The following MARCHF1 variants were observed in gnomAD, a reference collection of about 807,000 sequenced individuals.
MARCHF1 encodes membrane associated ring-CH-type finger 1.
MARCHF1 carries 40 observed loss-of-function variants against 54.2 expected under a neutral mutation model. The observed-to-expected ratio is 0.74, with a 90% CI of 0.57 to 0.96. The LOEUF is 0.96. Among genes scored for constraint, MARCHF1 ranks in the 40% least tolerant of loss-of-function variants. The pLI is 0.00. For missense variants in MARCHF1, 586 were observed against 656.5 expected (o/e 0.89, Z 1.17); for synonymous variants, 236 against 236.3 (o/e 1.00, Z 0.01).
chr4:163,782,654 G>C (rs1488421957), intron 4 of MARCHF1, among the ~76,000 whole-genome samples: 1 of 131,128 alleles, frequency 7.6e-6, no homozygotes, highest in East Asian at 2.3e-4. Flanking sequence ...CAGTGACAGA[G>C]TGAGACTCCA....
At chr4:163,619,170 G>T (rs1291944367) in intron 5 of MARCHF1, among the ~76,000 whole-genome samples, 2 of 152,184 alleles carry the variant, frequency 1.3e-5, no homozygotes, top group East Asian at 3.9e-4. Flanking sequence ...GTGTTGGATT[G>T]CATCCTGAAA....
chr4:163,533,268 C>T (rs1357250881), intron 9 of MARCHF1, among the ~76,000 whole-genome samples: 2 of 151,842 alleles, frequency 1.3e-5, no homozygotes, highest in Non-Finnish European at 2.9e-5. Context: ...CTACATACTG[C>T]GTGATTCCAA....
At chr4:164,299,865 A>G (rs925171899) in intron 1 of MARCHF1, among the ~76,000 whole-genome samples, 1 of 152,144 alleles carries the variant, frequency 6.6e-6, no homozygotes, top group African/African-American at 2.4e-5. Flanking sequence ...ATGATTATGG[A>G]TTCTTTTCTA....
intron 2 of MARCHF1, among the ~76,000 whole-genome samples, chr4:164,085,288 T>G (rs1197562950): frequency 6.6e-6 from 1 of 151,802 alleles, no homozygotes; most frequent in Non-Finnish European, 1.5e-5. Flanking sequence ...TTAAAATCCC[T>G]AGATAAACCA....
chr4:164,208,520 A>T (rs147674791), intron 1 of MARCHF1, among the ~76,000 whole-genome samples: 1 of 152,330 alleles, frequency 6.6e-6, no homozygotes, highest in Admixed American at 6.5e-5. Context: ...CCCAAAAAGA[A>T]GTAGTAATCT....
intron 3 of MARCHF1, among the ~76,000 whole-genome samples, chr4:163,890,690 T>C (rs1014599959): frequency 3.9e-5 from 6 of 152,104 alleles, no homozygotes; most frequent in African/African-American, 1.2e-4. Context: ...TTCGGGAGTA[T>C]TTACATTATA....
intron 3 of MARCHF1, among the ~76,000 whole-genome samples, chr4:163,903,502 A>G (rs1304049340): frequency 6.6e-6 from 1 of 152,236 alleles, no homozygotes; most frequent in Non-Finnish European, 1.5e-5. Flanking sequence ...TTAAATCTAA[A>G]GCTTCCAAAT....
rs376032051 is a variant in MARCHF1, at chr4:163,929,953, T to TATC, written c.-39+58547_-39+58548insGAT. The stretch of plus-strand genomic sequence containing the variant: ...ATATATTATATATTTATATTATATA[T>TATC]ATTATATATAATATATATAATATAT... On this transcript the variant is annotated intron_variant, in intron 3 of 9. Coordinates refer to ENST00000514618, the MANE Select transcript of MARCHF1 (RefSeq NM_001394959.1). Among the ~76,000 whole-genome samples the TATC allele has an allele frequency of 3.3e-3, 59 of 17,892 alleles. No individual in the cohort carries two copies. The East Asian group carries it at 0.064, about 20-fold the overall frequency. The allele number at this position is 17,892 out of a possible 152,430, so 11.7% of individuals were successfully genotyped here. A position where few individuals can be genotyped will look rare whatever the true frequency, so the allele number is the denominator to read the frequency against.
At chr4:164,029,807 C>T (rs1200892724) in intron 2 of MARCHF1, among the ~76,000 whole-genome samples, 1 of 152,126 alleles carries the variant, frequency 6.6e-6, no homozygotes, top group Non-Finnish European at 1.5e-5. Flanking sequence ...GTTGGCCAGG[C>T]TGGTCTCAAA....
At chr4:163,611,387 T>C (rs2110925344) in intron 7 of MARCHF1, among the ~76,000 whole-genome samples, 1 of 152,194 alleles carries the variant, frequency 6.6e-6, no homozygotes, top group South Asian at 2.1e-4. Flanking sequence ...CACACGAACA[T>C]GCATACATAT....
chr4:163,880,024 CA>C (rs1750380928), intron 3 of MARCHF1, among the ~76,000 whole-genome samples: 1 of 151,898 alleles, frequency 6.6e-6, no homozygotes, highest in Admixed American at 6.6e-5. Context: ...GCTATATTCA[CA>C]AATTTATAAA....
intron 1 of MARCHF1, among the ~76,000 whole-genome samples, chr4:164,185,481 G>T (rs1476737565): frequency 1.3e-5 from 2 of 152,086 alleles, no homozygotes; most frequent in Non-Finnish European, 1.5e-5. Flanking sequence ...TAGCAAAACA[G>T]GTTTTATTAT....
intron 1 of MARCHF1, among the ~76,000 whole-genome samples, chr4:164,367,337 T>C (rs982716250): frequency 2.2e-4 from 34 of 152,238 alleles, no homozygotes; most frequent in African/African-American, 7.7e-4. Context: ...TATTTATCCA[T>C]ACTAAGGAAA....
intron 2 of MARCHF1, among the ~76,000 whole-genome samples, chr4:164,090,262 A>G (rs1054031443): frequency 1.3e-5 from 2 of 152,094 alleles, no homozygotes; most frequent in African/African-American, 2.4e-5. Context: ...AGAACTCTCA[A>G]GTGATATTGA....
chr4:164,263,741 A>C (rs571982602), intron 1 of MARCHF1, among the ~76,000 whole-genome samples: 1 of 152,336 alleles, frequency 6.6e-6, no homozygotes. Context: ...AACACACACA[A>C]AAAAGTTCAA....
chr4:163,736,140 T>A (rs985890268), intron 4 of MARCHF1, among the ~76,000 whole-genome samples: 1 of 152,184 alleles, frequency 6.6e-6, no homozygotes. Context: ...TCCTATTAAG[T>A]AGAAAACTTT....
chr4:164,074,174 C>T (rs747308406), intron 2 of MARCHF1, among the ~76,000 whole-genome samples: 3 of 152,174 alleles, frequency 2.0e-5, no homozygotes, highest in Non-Finnish European at 4.4e-5. Context: ...TGCCTCCAAC[C>T]TTCCCATGCC....
At chr4:164,135,815 C>T (rs1756389377) in intron 1 of MARCHF1, among the ~76,000 whole-genome samples, 1 of 152,126 alleles carries the variant, frequency 6.6e-6, no homozygotes, top group African/African-American at 2.4e-5. Context: ...ATATCCACAC[C>T]AGGATTATTG....
intron 3 of MARCHF1, among the ~76,000 whole-genome samples, chr4:163,915,758 T>C (rs2111347935): frequency 6.6e-6 from 1 of 152,266 alleles, no homozygotes; most frequent in South Asian, 2.1e-4. Context: ...AAGTGTTTAT[T>C]GATCCATATT....
Sources: gnomAD v4.1 joint callset for allele counts (sites outside exome capture counted in the v4.1 genomes callset) on GRCh38, gnomAD v4.1.1 for gene constraint, MANE v1.5 for transcripts, NCBI Gene and HGNC (gene_info 2026-07-23, HGNC 2026-07-21) for gene names.